NALF1: variants seen among roughly 807,000 people sequenced by gnomAD.
NALF1 encodes family with sequence similarity 155 member A.
In NALF1, 3 loss-of-function variants were observed where a neutral mutation model predicts 48.4. That is an observed-to-expected ratio of 0.06 (90% CI 0.03 to 0.16). The LOEUF is 0.16. Among genes scored for constraint, NALF1 ranks in the 10% least tolerant of loss-of-function variants. NALF1 has a pLI of 1.00. For missense variants in NALF1, 526 were observed against 571.5 expected (o/e 0.92, Z 0.81); for synonymous variants, 262 against 245.7 (o/e 1.07, Z -0.62).
intron 1 of NALF1, among the ~76,000 whole-genome samples, chr13:107,534,136 T>G (rs1311755626): frequency 6.6e-6 from 1 of 152,016 alleles, no homozygotes; most frequent in Non-Finnish European, 1.5e-5. Context: ...GTGAGATACG[T>G]AGGTTCTGGG....
chr13:107,866,020 T>C lies in NALF1; in HGVS notation c.577A>G (p.Arg193Gly), dbSNP rs1594322594. 2.5e-6 allele frequency: 4 copies of C among 1,612,064 alleles called. No individual in the cohort carries two copies. The highest frequency in any genetic ancestry group is 3.4e-6 in the Non-Finnish European group (4 of 1,179,910). The change falls in exon 1 of 3, where the codon AGG becomes GGG. Residue 193 changes from arginine to glycine, a missense_variant. By Grantham distance (125) the Arg-to-Gly change is moderately radical. This residue lies in a region of NALF1 where 373 missense variants were observed against 355.5 expected (regional missense o/e 1.05). Coordinates refer to ENST00000375915, the MANE Select transcript of NALF1 (RefSeq NM_001080396.3). This position sits in a 1 kb window ranked among gnomAD's most constrained non-coding sequence, Gnocchi z 4.4. The stretch of plus-strand genomic sequence containing the variant: ...CCGGCCGCCCCCCGACTCCAGTTCC[T>C]GGCGCACACCGCGTCCGCATTCTCC... ...TVENADAVCARNWSRGAAGGD... is the reference protein window; with the variant it reads ...TVENADAVCAGNWSRGAAGGD...
At chr13:107,464,818 C>T (rs568178272) in intron 1 of NALF1, among the ~76,000 whole-genome samples, 1 of 152,058 alleles carries the variant, frequency 6.6e-6, no homozygotes, top group Non-Finnish European at 1.5e-5. Flanking sequence ...CCACACCCGG[C>T]GGCAATACAA....
chr13:107,483,412 G>A (rs1396215390), intron 1 of NALF1, among the ~76,000 whole-genome samples: 1 of 151,894 alleles, frequency 6.6e-6, no homozygotes, highest in African/African-American at 2.4e-5. Context: ...CATTAGATTT[G>A]GTAAAATGAA....
At chr13:107,595,251 T>C (rs1038434385) in intron 1 of NALF1, among the ~76,000 whole-genome samples, 4 of 152,144 alleles carry the variant, frequency 2.6e-5, no homozygotes, top group Non-Finnish European at 4.4e-5. Context: ...TTCTAATTAA[T>C]TGGAGTCTAT....
intron 1 of NALF1, among the ~76,000 whole-genome samples, chr13:107,512,130 C>A (rs2809283): frequency 6.6e-6 from 1 of 152,224 alleles, no homozygotes; most frequent in Admixed American, 6.5e-5. Flanking sequence ...TGTCGTGGCT[C>A]ACGCCTGTAA....
intron 1 of NALF1, among the ~76,000 whole-genome samples, chr13:107,238,114 G>A (rs1438833036): frequency 1.3e-5 from 2 of 152,158 alleles, no homozygotes; most frequent in African/African-American, 2.4e-5. Flanking sequence ...TTTTTAGGAT[G>A]GAGCTAAACT....
chr13:107,515,343 T>C (rs944105211), intron 1 of NALF1, among the ~76,000 whole-genome samples: 1 of 152,196 alleles, frequency 6.6e-6, no homozygotes, highest in African/African-American at 2.4e-5. Context: ...AAAACCAGGC[T>C]GATAGTATGT....
intron 1 of NALF1, among the ~76,000 whole-genome samples, chr13:107,735,990 T>C (rs974136456): frequency 1.3e-5 from 2 of 152,194 alleles, no homozygotes; most frequent in African/African-American, 4.8e-5. Flanking sequence ...TTTTATCTTG[T>C]CTGACATTAT....
chr13:107,738,760 G>A (rs1029519327), intron 1 of NALF1, among the ~76,000 whole-genome samples: 2 of 151,276 alleles, frequency 1.3e-5, no homozygotes, highest in East Asian at 2.0e-4. Context: ...TCTGCCTCCT[G>A]GGGTCAAGTG....
chr13:107,822,314 A>ATTTT lies in NALF1; in HGVS notation c.915+43364_915+43367dup, dbSNP rs5806697. 8.6e-3 allele frequency among the ~76,000 whole-genome samples: 1,261 copies of ATTTT among 146,736 alleles called. 24 individuals carry two copies. The highest frequency in any genetic ancestry group is 0.03 in the African/African-American group (1,177 of 39,816). ...CTGTTGCCTGATGTCATGCAAAAGT[A>ATTTT]TTTTTTTTTTTTTTGAGACAGAGTC... On this transcript the variant is annotated intron_variant, in intron 1 of 2. Transcript: ENST00000375915.
chr13:107,808,479 C>G (rs538905113), intron 1 of NALF1, among the ~76,000 whole-genome samples: 1 of 152,166 alleles, frequency 6.6e-6, no homozygotes, highest in South Asian at 2.1e-4. Flanking sequence ...TCCTGACTTC[C>G]TGCACAACAG....
chr13:107,362,240 T>C lies in NALF1; in HGVS notation c.916-151485A>G, dbSNP rs1042813846. On this transcript the variant is annotated intron_variant, in intron 1 of 2. Transcript: ENST00000375915. This position sits in a 1 kb window ranked among gnomAD's most constrained non-coding sequence, Gnocchi z 4.6. ...TCAGGTGACAGCTTTATGATATTCA[T>C]GTAAACAGGAAGGAATAGTTGTATT... is the stretch of plus-strand genomic sequence containing the variant. Among the ~76,000 whole-genome samples, 2 of 152,196 alleles carry C rather than the reference T, an allele frequency of 1.3e-5. No individual in the cohort carries two copies. The highest frequency in any genetic ancestry group is 2.9e-5 in the Non-Finnish European group (2 of 68,026).
chr13:107,440,385 G>A (rs911529625), intron 1 of NALF1, among the ~76,000 whole-genome samples: 4 of 152,264 alleles, frequency 2.6e-5, no homozygotes, highest in African/African-American at 4.8e-5. Context: ...TTAAAGTTTC[G>A]CATAGGTGGC....
intron 1 of NALF1, among the ~76,000 whole-genome samples, chr13:107,626,852 T>C (rs1879688343): frequency 6.6e-6 from 1 of 151,970 alleles, no homozygotes; most frequent in African/African-American, 2.4e-5. Context: ...ACTATACAGG[T>C]AAAGATGGTA....
chr13:107,619,008 C>A (rs915734094), intron 1 of NALF1, among the ~76,000 whole-genome samples: 2 of 152,224 alleles, frequency 1.3e-5, no homozygotes, highest in South Asian at 2.1e-4. Context: ...ACAGAACTTA[C>A]TGTGATGATG....
At chr13:107,567,183 ATATT>A (rs573569668) in intron 1 of NALF1, among the ~76,000 whole-genome samples, 1 of 152,278 alleles carries the variant, frequency 6.6e-6, no homozygotes, top group East Asian at 1.9e-4. Context: ...TCAGTTTCAT[ATATT>A]TGTTTTAAAA....
At chr13:107,284,558 GACTGAACTGTGTCCCGCCCTCCCCCTC>G (rs72339125) in intron 1 of NALF1, among the ~76,000 whole-genome samples, 47,709 of 152,086 alleles carry the variant, frequency 0.31, 9,243 homozygotes, top group South Asian at 0.54. Context: ...AACTGCTATG[GACTGAACTGTGTCCCGCCCTCCCCCTC>G]AAATTCGTAT....
chr13:107,534,123 T>C (rs1043305912), intron 1 of NALF1, among the ~76,000 whole-genome samples: 1 of 151,984 alleles, frequency 6.6e-6, no homozygotes, highest in Middle Eastern at 3.2e-3. Context: ...CTTGGAAATG[T>C]GTGTGAGATA....
chr13:107,637,040 G>C (rs1481840571), intron 1 of NALF1, among the ~76,000 whole-genome samples: 1 of 151,688 alleles, frequency 6.6e-6, no homozygotes, highest in Non-Finnish European at 1.5e-5. Context: ...ACTGCCTACG[G>C]TATCAGTACA....
Sources: gnomAD v4.1 joint callset for allele counts (sites outside exome capture counted in the v4.1 genomes callset) on GRCh38, gnomAD v4.1.1 for gene constraint, gnomAD v4.1.1 regional missense constraint, Gnocchi (gnomAD v3.1) non-coding constraint, MANE v1.5 for transcripts, NCBI Gene and HGNC (gene_info 2026-07-23, HGNC 2026-07-21) for gene names.